The following DNAH12 variants were observed in gnomAD, a reference collection of about 807,000 sequenced individuals.
DNAH12 encodes axonemal beta dynein heavy chain 12.
A neutral mutation model predicts 371.5 loss-of-function variants in DNAH12; 285 were observed. The ratio of observed to expected loss-of-function variants is 0.77; its 90% CI spans 0.70 to 0.85. The LOEUF is 0.85. DNAH12 is among the 40% of genes least tolerant of loss of function. The probability of loss-of-function intolerance (pLI) is 0.00; values close to 1 mark genes in which losing one functional copy is unlikely to be tolerated. For synonymous variants in DNAH12, 1,200 were observed against 1,213.0 expected, an observed-to-expected ratio of 0.99 and a Z score of 0.22; for missense variants, 3,611 against 3,689.4, an observed-to-expected ratio of 0.98 and a Z score of 0.55.
At chr3:57,454,326 C>T (rs1358686053) in intron 23 of DNAH12, among the ~76,000 whole-genome samples, 1 of 151,872 alleles carries the variant, frequency 6.6e-6, no homozygotes, top group Non-Finnish European at 1.5e-5. Flanking sequence ...ACTAAAAATA[C>T]AAAATTAGCC....
intron 34 of DNAH12, 114 bp downstream of exon 34, chr3:57,428,519 G>A: frequency 6.6e-7 from 1 of 1,522,432 alleles, no homozygotes; most frequent in Non-Finnish European, 8.8e-7. Context: ...GATAGTAAAT[G>A]CATAAGGACA....
At chr3:57,526,930 G>A (rs904095029) in intron 2 of DNAH12, among the ~76,000 whole-genome samples, 1 of 151,312 alleles carries the variant, frequency 6.6e-6, no homozygotes, top group Non-Finnish European at 1.5e-5. Context: ...CGCCTCCCAG[G>A]TTCAAGCAAT....
chr3:57,447,390 G>A lies in DNAH12; in HGVS notation c.3787-701C>T, dbSNP rs1005285440. ...TTTTTAGAAACATAAATTACAGTCA[G>A]CTCTAACTATGGAGTCTGTTTCACG... On this transcript the variant is annotated intron_variant, in intron 25 of 73. Coordinates refer to ENST00000495027, the MANE Select transcript of DNAH12 (RefSeq NM_001366028.2). Among the ~76,000 whole-genome samples the A allele has an allele frequency of 9.9e-5, 15 of 152,124 alleles. No homozygotes were observed. In the East Asian group the frequency reaches 2.7e-3, roughly 27 times the overall value.
Position 57,472,689 on chromosome 3 carries a change from GATATA to G in DNAH12, c.1651-23_1651-19del. Reference sequence around the variant, plus strand: ...TTAGATTCCTACAAAAGAAACTCTGGATATAATATGTCATATAGAAAATCTACATC... The same window carrying G: ...TTAGATTCCTACAAAAGAAACTCTGGATATGTCATATAGAAAATCTACATC... On this transcript the variant is annotated intron_variant, in intron 13 of 73. Transcript: ENST00000495027. 1 of 1,543,826 alleles carries G rather than the reference GATATA, an allele frequency of 6.5e-7. No homozygotes were observed. Among genetic ancestry groups the G allele is most frequent in the Non-Finnish European group, 8.7e-7 (1 of 1,143,366 alleles).
In DNAH12 at chr3:57,387,192, C is replaced by G. The variant is rs1187425270; in HGVS notation, c.7333G>C (p.Val2445Leu). Residue 2445 changes from valine to leucine, a missense_variant, in exon 46 of 74, where the codon GTA becomes CTA. By Grantham distance (32) the Val-to-Leu change is conservative (BLOSUM62 1). This residue lies in a region of DNAH12 where 2,266 missense variants were observed against 2,236.9 expected (regional missense o/e 1.01). Coordinates refer to ENST00000495027, the MANE Select transcript of DNAH12 (RefSeq NM_001366028.2). ...QSWPEDALER[V>L]AVKFLETLEL... ...AGTGTTTCTAAGAATTTCACAGCTACACGTTCAAGAGCATCTTCAGGCCAT... is the reference window on the plus strand; with the variant it reads ...AGTGTTTCTAAGAATTTCACAGCTAGACGTTCAAGAGCATCTTCAGGCCAT... 3 of 152,110 alleles carry G rather than the reference C, an allele frequency of 2.0e-5. No individual in the cohort carries two copies. The highest frequency in any genetic ancestry group is 7.2e-5 in the African/African-American group (3 of 41,420). 9.4% of individuals were successfully genotyped at this position (152,110 alleles called of 1,614,324 possible). A position where few individuals can be genotyped will look rare whatever the true frequency, so the allele number is the denominator to read the frequency against.
chr3:57,551,520 C>T, the DNAH12 span, among the ~76,000 whole-genome samples: 3 of 151,160 alleles, frequency 2.0e-5, no homozygotes, highest in Non-Finnish European at 3.0e-5. Context: ...ATCCGCCCGC[C>T]TTGGCTCCCA....
intron 35 of DNAH12, among the ~76,000 whole-genome samples, chr3:57,422,388 G>T (rs1391389293): frequency 2.0e-5 from 3 of 151,938 alleles, no homozygotes; most frequent in African/African-American, 7.3e-5. Flanking sequence ...CCACCACGGG[G>T]TTTCACCATG....
intron 20 of DNAH12, among the ~76,000 whole-genome samples, chr3:57,458,493 G>C (rs1046684099): frequency 2.0e-5 from 3 of 152,146 alleles, no homozygotes; most frequent in African/African-American, 7.2e-5. Flanking sequence ...CGAATGATGT[G>C]AGAAAAGTCT....
chr3:57,448,168 G>A (rs934845120), intron 25 of DNAH12, among the ~76,000 whole-genome samples: 8 of 152,272 alleles, frequency 5.3e-5, no homozygotes, highest in East Asian at 1.9e-4. Context: ...ATGAAGCCGC[G>A]GACCCTCGAG....
At chr3:57,337,815 C>T (rs1156432423) in intron 60 of DNAH12, among the ~76,000 whole-genome samples, 1 of 152,132 alleles carries the variant, frequency 6.6e-6, no homozygotes, top group African/African-American at 2.4e-5. Context: ...TTGGACAGAT[C>T]ATCTAGACAG....
chr3:57,333,134 C>G (rs2062140968), intron 62 of DNAH12, among the ~76,000 whole-genome samples: 2 of 151,974 alleles, frequency 1.3e-5, no homozygotes, highest in South Asian at 4.2e-4. Context: ...GAGTCTCACT[C>G]TGCCACCCAG....
rs1430252928 is a variant in DNAH12, at chr3:57,446,248, G to A, written c.3962C>T (p.Ser1321Phe). The change falls in exon 27 of 74, where the codon TCT becomes TTT. Residue 1321 changes from serine to phenylalanine, a missense_variant. This residue lies in a region of DNAH12 where 2,266 missense variants were observed against 2,236.9 expected (regional missense o/e 1.01). Transcript: ENST00000495027. The stretch of plus-strand genomic sequence containing the variant: ...TTCATCAAAGCAAGCCCAAGCACCA[G>A]AAGAAGCCAGTCCTTTAAAAAACTA... Reference protein sequence around the residue: ...MGKFFKGLASSGAWACFDEFN... With the variant: ...MGKFFKGLASFGAWACFDEFN... 2 of 1,551,698 alleles carry A rather than the reference G, an allele frequency of 1.3e-6. No individual in the cohort carries two copies. The highest frequency in any genetic ancestry group is 1.4e-5 in the African/African-American group (1 of 73,000).
At chr3:57,472,760 CT>C in intron 13 of DNAH12, 89 bp from the exon 14 acceptor site, 1 of 1,342,000 alleles carries the variant, frequency 7.5e-7, no homozygotes, top group South Asian at 1.4e-5. Context: ...CTCTAATACC[CT>C]TTCAGATTTC....
At chr3:57,403,654 G>C (rs1376061992) in intron 42 of DNAH12, among the ~76,000 whole-genome samples, 153 bp from the exon 43 acceptor site, 1 of 152,130 alleles carries the variant, frequency 6.6e-6, no homozygotes, top group African/African-American at 2.4e-5. Context: ...CAAAAAGTGT[G>C]ATTTTTCAAA....
Position 57,445,339 on chromosome 3 carries a change from C to A in DNAH12, c.4260G>T (p.Leu1420Phe). Residue 1420 changes from leucine (L) to phenylalanine (F), a missense_variant, in exon 28 of 74, where the codon TTG becomes TTT. Leu to Phe is a conservative substitution (Grantham distance 22). Around this residue, in one of 3 missense-constraint regions of DNAH12, gnomAD observed 2,266 missense variants for 2,236.9 expected, o/e 1.01. Transcript: ENST00000495027. ...TTTTCACAGACAGAGGTCTTGCATT[C>A]AAAAATCCGTAAGAGTAGAGGGAGA... ...AEISLYSYGF[L>F]NARPLSVKIV... 4.5e-6 allele frequency: 7 copies of A among 1,551,392 alleles called. No homozygotes were observed. The highest frequency in any genetic ancestry group is 6.1e-6 in the Non-Finnish European group (7 of 1,146,872).
intron 60 of DNAH12, among the ~76,000 whole-genome samples, chr3:57,339,844 C>G (rs1203455712): frequency 2.0e-5 from 3 of 152,072 alleles, no homozygotes; most frequent in Non-Finnish European, 4.4e-5. Flanking sequence ...CTAAGGCAGG[C>G]AGATTGCTTG....
In DNAH12 at chr3:57,537,196, A is replaced by G. The variant is rs542181556; in HGVS notation, c.170+5505T>C. Among the ~76,000 whole-genome samples, 4 of 152,026 alleles carry G rather than the reference A, an allele frequency of 2.6e-5. No individual in the cohort carries two copies. In the East Asian group the frequency reaches 7.8e-4, roughly 29 times the overall value. ...GCAAAAGAGTGAGACCTTGTCTCAG[A>G]AAAAAAAAAGAGGGGGTGGCAAAAA... is the stretch of plus-strand genomic sequence containing the variant. On this transcript the variant is annotated intron_variant, in intron 2 of 73. Transcript: ENST00000495027.
At chr3:57,438,152 T>C (rs545958115) in intron 29 of DNAH12, among the ~76,000 whole-genome samples, 5 of 110,956 alleles carry the variant, frequency 4.5e-5, no homozygotes, top group African/African-American at 9.5e-5. Flanking sequence ...CTACTAAACA[T>C]ACAAAAAAAT....
chr3:57,384,393 TTGGGAGGCCAAGG>T (rs1469020462), intron 49 of DNAH12, among the ~76,000 whole-genome samples: 1 of 152,044 alleles, frequency 6.6e-6, no homozygotes, highest in Non-Finnish European at 1.5e-5. Context: ...TCCCAGCACT[TTGGGAGGCCAAGG>T]TGGGAGGATC....
Sources: gnomAD v4.1 joint callset for allele counts (sites outside exome capture counted in the v4.1 genomes callset) on GRCh38, gnomAD v4.1.1 for gene constraint, gnomAD v4.1.1 regional missense constraint, MANE v1.5 for transcripts, NCBI Gene and HGNC (gene_info 2026-07-23, HGNC 2026-07-21) for gene names.